NCAM1: variants seen among roughly 807,000 people sequenced by gnomAD.
NCAM1 encodes the protein antigen recognized by monoclonal antibody 5.1H11.
NCAM1 carries 14 observed loss-of-function variants against 109.8 expected under a neutral mutation model. The ratio of observed to expected loss-of-function variants is 0.13; its 90% CI spans 0.08 to 0.20. NCAM1 has a LOEUF of 0.20. Among genes scored for constraint, NCAM1 ranks in the 10% least tolerant of loss-of-function variants. The probability of loss-of-function intolerance (pLI) is 1.00; values close to 1 mark genes in which losing one functional copy is unlikely to be tolerated. For missense variants in NCAM1, 774 were observed against 1,109.9 expected, an observed-to-expected ratio of 0.70 and a Z score of 4.30; for synonymous variants, 418 against 442.9, an observed-to-expected ratio of 0.94 and a Z score of 0.70.
chr11:113,104,494 A>G (rs1940056537), intron 1 of NCAM1, among the ~76,000 whole-genome samples: 1 of 152,126 alleles, frequency 6.6e-6, no homozygotes, highest in Non-Finnish European at 1.5e-5. Flanking sequence ...GTATTCCTTA[A>G]AAAAACACGC....
intron 1 of NCAM1, among the ~76,000 whole-genome samples, chr11:112,991,501 C>G (rs1454198048): frequency 8.3e-6 from 1 of 120,266 alleles, no homozygotes; most frequent in African/African-American, 2.9e-5. Flanking sequence ...AGTGCATGGC[C>G]TGAAAAGAAA....
intron 8 of NCAM1, 122 bp downstream of exon 8, chr11:113,214,633 C>T: frequency 8.6e-7 from 1 of 1,156,214 alleles, no homozygotes. Flanking sequence ...AGGCCACAGC[C>T]AGATCCCGGG....
At chr11:113,103,874 T>G (rs1375730684) in intron 1 of NCAM1, among the ~76,000 whole-genome samples, 2 of 152,094 alleles carry the variant, frequency 1.3e-5, no homozygotes, top group African/African-American at 4.8e-5. Context: ...AATTAGATTT[T>G]TATGTGATTT....
At chr11:113,177,174 G>A (rs4936266) in intron 1 of NCAM1, among the ~76,000 whole-genome samples, 10,240 of 152,126 alleles carry the variant, frequency 0.067, 739 homozygotes, top group African/African-American at 0.17. Flanking sequence ...ACATACCCCT[G>A]GTTAGAATGT....
At chr11:113,161,108 A>G (rs1012746057) in intron 1 of NCAM1, among the ~76,000 whole-genome samples, 7 of 152,194 alleles carry the variant, frequency 4.6e-5, no homozygotes, top group Non-Finnish European at 1.5e-5. Context: ...ATCGTGATCT[A>G]CACAGACCAT....
At chr11:113,136,512 G>A (rs1214997143) in intron 1 of NCAM1, among the ~76,000 whole-genome samples, 1 of 152,188 alleles carries the variant, frequency 6.6e-6, no homozygotes, top group African/African-American at 2.4e-5. Context: ...AAACAGAATA[G>A]TTCCTGTGGG....
At chr11:112,983,461 G>A (rs1419247715) in intron 1 of NCAM1, among the ~76,000 whole-genome samples, 1 of 151,360 alleles carries the variant, frequency 6.6e-6, no homozygotes, top group African/African-American at 2.4e-5. Flanking sequence ...TCTTCTCCCA[G>A]GAAGATGGGG....
At chr11:113,114,946 C>G (rs1470650589) in intron 1 of NCAM1, among the ~76,000 whole-genome samples, 1 of 152,148 alleles carries the variant, frequency 6.6e-6, no homozygotes, top group East Asian at 1.9e-4. Context: ...TTACTCAATT[C>G]TTGGGGGGAA....
intron 1 of NCAM1, among the ~76,000 whole-genome samples, chr11:113,174,569 C>T (rs995309190): frequency 6.6e-6 from 1 of 152,234 alleles, no homozygotes; most frequent in South Asian, 2.1e-4. Context: ...GGTCCCCTGG[C>T]TCCTCCTGAG....
intron 1 of NCAM1, among the ~76,000 whole-genome samples, chr11:113,099,211 A>G (rs954001249): frequency 6.6e-6 from 1 of 152,174 alleles, no homozygotes; most frequent in Non-Finnish European, 1.5e-5. Context: ...TGAGGAGTCC[A>G]TGATTTTAAT....
At chr11:113,113,170 A>G (rs72995965) in intron 1 of NCAM1, among the ~76,000 whole-genome samples, 3 of 152,182 alleles carry the variant, frequency 2.0e-5, no homozygotes, top group South Asian at 2.1e-4. Flanking sequence ...CATGAGTCCA[A>G]TTAGCTACCG....
chr11:113,225,988 G>A (rs952586895), intron 9 of NCAM1, among the ~76,000 whole-genome samples: 2 of 152,164 alleles, frequency 1.3e-5, no homozygotes, highest in South Asian at 2.1e-4. Flanking sequence ...ATGCCAAATC[G>A]TAAAGACCAT....
intron 1 of NCAM1, among the ~76,000 whole-genome samples, chr11:113,155,812 T>C (rs1167826105): frequency 6.6e-6 from 1 of 152,246 alleles, no homozygotes; most frequent in Non-Finnish European, 1.5e-5. Flanking sequence ...CACATGTATG[T>C]ACTCTGGGTT....
intron 9 of NCAM1, among the ~76,000 whole-genome samples, chr11:113,229,335 C>T (rs951701414): frequency 2.4e-4 from 37 of 152,346 alleles, no homozygotes; most frequent in African/African-American, 7.2e-4. Context: ...TGAAAAAAGG[C>T]TCATCATCAC....
chr11:113,275,427 A>T lies in NCAM1; in HGVS notation c.*40A>T. On this transcript the variant is annotated 3_prime_UTR_variant, in exon 20 of 20. Transcript: ENST00000316851. ...CGAGCAAAGATCAAAATAAAAAGTG[A>T]CACAGCAGCTTCACCAGAGCATTTC... is the stretch of plus-strand genomic sequence containing the variant. 5 of 1,593,682 alleles carry T rather than the reference A, an allele frequency of 3.1e-6. No individual in the cohort carries two copies. The highest frequency in any genetic ancestry group is 4.3e-6 in the Non-Finnish European group (5 of 1,169,854).
chr11:113,157,854 C>T (rs536721178), intron 1 of NCAM1, among the ~76,000 whole-genome samples: 6 of 152,090 alleles, frequency 3.9e-5, no homozygotes, highest in South Asian at 2.1e-4. Flanking sequence ...CTTCTGCATT[C>T]GATCTACTGA....
At chr11:113,229,506 A>G (rs1555116798) in intron 9 of NCAM1, among the ~76,000 whole-genome samples, 2 of 152,212 alleles carry the variant, frequency 1.3e-5, no homozygotes, top group Non-Finnish European at 2.9e-5. Context: ...TAGTTCAACC[A>G]TTGTGGAAGT....
chr11:113,186,705 A>G (rs1408102281), intron 1 of NCAM1, among the ~76,000 whole-genome samples: 1 of 152,192 alleles, frequency 6.6e-6, no homozygotes, highest in African/African-American at 2.4e-5. Context: ...TGAAGCTTAC[A>G]AAGGGTCGCC....
chr11:113,119,296 A>G (rs1307561926), intron 1 of NCAM1, among the ~76,000 whole-genome samples: 1 of 152,192 alleles, frequency 6.6e-6, no homozygotes, highest in Non-Finnish European at 1.5e-5. Context: ...GAGCTGCAGA[A>G]CTACTGTCTG....
Sources: gnomAD v4.1 joint callset for allele counts (sites outside exome capture counted in the v4.1 genomes callset) on GRCh38, gnomAD v4.1.1 for gene constraint, MANE v1.5 for transcripts, NCBI Gene and HGNC (gene_info 2026-07-23, HGNC 2026-07-21) for gene names.